Variants in ACBD5 observed in about 807,000 individuals in gnomAD.
The protein encoded by ACBD5 is acyl-CoA-binding domain-containing protein 5.
A neutral mutation model predicts 71.8 loss-of-function variants in ACBD5; 40 were observed. The ratio of observed to expected loss-of-function variants is 0.56; its 90% CI spans 0.43 to 0.72. ACBD5 has a LOEUF of 0.72. ACBD5 is among the 30% of genes least tolerant of loss of function. The pLI is 0.00. For synonymous variants in ACBD5, 229 were observed against 218.6 expected (o/e 1.05, Z -0.42); for missense variants, 559 against 644.5 (o/e 0.87, Z 1.44).
chr10:27,239,868 TC>T (rs1331226022), intron 2 of ACBD5, among the ~76,000 whole-genome samples: 106 of 152,346 alleles, frequency 7.0e-4, no homozygotes, highest in African/African-American at 2.5e-3. Flanking sequence ...TGTCTCAGCC[TC>T]CCGAGTAGCT....
Position 27,218,110 on chromosome 10 carries a change from A to T in ACBD5, c.699T>A (p.Asp233Glu). ...EVIVTNGYDK[D>E]GFVQDIQNDI... ...CATTCTGTATATCCTGAACAAAGCC[A>T]TCTTTATCATAGCCATTAGTGACAA... is the stretch of plus-strand genomic sequence containing the variant. Residue 233 changes from aspartate to glutamate, a missense_variant, in exon 7 of 13, where the codon GAT becomes GAA. Coordinates refer to ENST00000396271, the MANE Select transcript of ACBD5 (RefSeq NM_145698.5). 6.2e-7 allele frequency: 1 copy of T among 1,614,158 alleles called. No homozygotes were observed. Among genetic ancestry groups the T allele is most frequent in the Non-Finnish European group, 8.5e-7 (1 of 1,180,004 alleles).
intron 9 of ACBD5, 64 bp downstream of exon 9, chr10:27,210,750 A>T: frequency 6.2e-7 from 1 of 1,609,154 alleles, no homozygotes. Context: ...AGAGCGCGAG[A>T]CTCCATCTCA....
chr10:27,199,474 C>T (rs2059693177), intron 12 of ACBD5, among the ~76,000 whole-genome samples: 1 of 152,204 alleles, frequency 6.6e-6, no homozygotes, highest in Non-Finnish European at 1.5e-5. Flanking sequence ...AATCAACTTG[C>T]AAAATGGAGG....
At chr10:27,184,410 C>T (rs893980699) in intron 13 of ACBD5, among the ~76,000 whole-genome samples, 3 of 152,112 alleles carry the variant, frequency 2.0e-5, no homozygotes, top group African/African-American at 4.8e-5. Flanking sequence ...CATATAAACA[C>T]ACACACGTTT....
Position 27,240,335 on chromosome 10 carries a change from C to A in ACBD5, c.165G>T (p.Gln55His), listed in dbSNP as rs1158658703. The change falls in exon 2 of 13, where the codon CAG (glutamine) becomes CAT (histidine). Residue 55 changes from glutamine (Q) to histidine (H), a missense_variant. By Grantham distance (24) the Gln-to-His change is conservative (BLOSUM62 0). Transcript: ENST00000396271. This position sits in a 1 kb window ranked among gnomAD's most constrained non-coding sequence, Gnocchi z 4.1. ...TRFEAAVKVI[Q>H]SLPKNGSFQP... is the part of the protein sequence containing the mutation. ...CGCACGTACCATTCTTCGGCAAACT[C>A]TGGATCACCTTCACGGCCGCCTCAA... The A allele has an allele frequency of 6.2e-7, 1 of 1,613,982 alleles. No homozygotes were observed. Among genetic ancestry groups the A allele is most frequent in the Non-Finnish European group, 8.5e-7 (1 of 1,180,034 alleles).
Position 27,208,351 on chromosome 10 carries a change from T to TC in ACBD5, c.1298dup (p.Gly434ArgfsTer5). 6.2e-7 allele frequency: 1 copy of TC among 1,614,196 alleles called. No homozygotes were observed. The highest frequency in any genetic ancestry group is 8.5e-7 in the Non-Finnish European group (1 of 1,180,028). ...GGGCGATCTGCTCATTGAGGCTGCC[T>TC]CGGGACCCTCTGTCGGAGCCCCAGC... is the stretch of plus-strand genomic sequence containing the variant. On this transcript the variant is annotated frameshift_variant, in exon 10 of 13. Coordinates refer to ENST00000396271, the MANE Select transcript of ACBD5 (RefSeq NM_145698.5). LOFTEE classifies it high-confidence loss of function.
At chr10:27,195,048 G>A (rs1281082458), downstream of ACBD5, among the ~76,000 whole-genome samples, 1 of 152,088 alleles carries the variant, frequency 6.6e-6, no homozygotes, top group African/African-American at 2.4e-5. Context: ...TCAACCAGAT[G>A]ACTAAATAAG....
chr10:27,235,484 C>T lies in ACBD5; in HGVS notation c.182-272G>A, dbSNP rs185784418. On this transcript the variant is annotated intron_variant, in intron 2 of 12. Transcript: ENST00000396271. ...TGAATAGACATGCTGTAGATATAAC[C>T]AAAATAACCTGCAAATGTCTCTTTA... 2.3e-3 allele frequency among the ~76,000 whole-genome samples: 355 copies of T among 152,184 alleles called. 2 individuals are homozygous for T. The highest frequency in any genetic ancestry group is 8.1e-3 in the African/African-American group (338 of 41,540).
At chr10:27,230,930 G>C (rs140785555) in intron 4 of ACBD5, among the ~76,000 whole-genome samples, 1 of 151,880 alleles carries the variant, frequency 6.6e-6, no homozygotes, top group African/African-American at 2.4e-5. Flanking sequence ...TTACTAGTTA[G>C]CAGAGAACCT....
At chr10:27,202,640 T>G (rs986321663) in intron 12 of ACBD5, among the ~76,000 whole-genome samples, 11 of 152,152 alleles carry the variant, frequency 7.2e-5, no homozygotes, top group African/African-American at 2.4e-4. Context: ...AAGCATAAAA[T>G]AAATTATTAA....
intron 13 of ACBD5, among the ~76,000 whole-genome samples, chr10:27,188,241 C>G (rs2058894225): frequency 6.6e-6 from 1 of 152,104 alleles, no homozygotes; most frequent in Non-Finnish European, 1.5e-5. Flanking sequence ...GTAAAATGTT[C>G]AAAATACAGT....
chr10:27,206,672 C>T (rs1208664153), intron 10 of ACBD5, among the ~76,000 whole-genome samples: 6 of 151,904 alleles, frequency 3.9e-5, no homozygotes, highest in African/African-American at 7.3e-5. Flanking sequence ...TGCACCACCA[C>T]GCCCAGCTAA....
intron 4 of ACBD5, among the ~76,000 whole-genome samples, chr10:27,230,625 C>T (rs2063723640): frequency 6.6e-6 from 1 of 151,904 alleles, no homozygotes; most frequent in Non-Finnish European, 1.5e-5. Flanking sequence ...CGTGAAATCC[C>T]GTCTGCACTA....
intron 7 of ACBD5, among the ~76,000 whole-genome samples, chr10:27,217,501 T>C (rs1029243852): frequency 6.7e-6 from 1 of 149,266 alleles, no homozygotes; most frequent in Non-Finnish European, 1.5e-5. Flanking sequence ...GTTTCTCACA[T>C]GTACTATTAT....
chr10:27,216,479 T>C (rs1177447644), intron 7 of ACBD5, among the ~76,000 whole-genome samples: 1 of 152,146 alleles, frequency 6.6e-6, no homozygotes, highest in Non-Finnish European at 1.5e-5. Context: ...TTTCACATTG[T>C]TGGTCAGGCT....
chr10:27,218,215 A>C (rs1023042170), intron 6 of ACBD5, 32 bp from the exon 7 acceptor site: 1 of 1,530,018 alleles, frequency 6.5e-7, no homozygotes, highest in African/African-American at 1.4e-5. Flanking sequence ...GATTCATAAA[A>C]GTTCACAGTA....
intron 8 of ACBD5, among the ~76,000 whole-genome samples, chr10:27,211,363 C>T (rs1297853323): frequency 6.6e-6 from 1 of 152,090 alleles, no homozygotes; most frequent in African/African-American, 2.4e-5. Flanking sequence ...GCTCTGTCAC[C>T]AGGCTGGAGT....
In ACBD5 at chr10:27,210,842, G is replaced by A. The variant is rs34613194; in HGVS notation, c.1176C>T (p.Asp392=). The change falls in exon 9 of 13, where the codon GAC becomes GAT. Residue 392 remains aspartate, a synonymous_variant. Transcript: ENST00000396271. ...PHREKRGGET[D]EFSNVRRGRG... is the part of the protein sequence containing the mutation. ...TTCCTCTTCTAACATTAGAGAATTC[G>A]TCAGTTTCTCCGCCTCGCTTCTCCC... is the stretch of plus-strand genomic sequence containing the variant. The A allele has an allele frequency of 0.039, 63,165 of 1,613,720 alleles. 2,321 individuals are homozygous for A. Among genetic ancestry groups the A allele is most frequent in the African/African-American group, 0.17 (12,844 of 74,918 alleles).
Position 27,208,311 on chromosome 10 carries a change from G to T in ACBD5, c.1339C>A (p.Leu447Met). 1 of 1,614,192 alleles carries T rather than the reference G, an allele frequency of 6.2e-7. No individual in the cohort carries two copies. Among genetic ancestry groups the T allele is most frequent in the Non-Finnish European group, 8.5e-7 (1 of 1,180,042 alleles). Residue 447 changes from leucine to methionine, a missense_variant, in exon 10 of 13, where the codon CTG (leucine) becomes ATG (methionine). Coordinates refer to ENST00000396271, the MANE Select transcript of ACBD5 (RefSeq NM_145698.5). Reference protein sequence around the residue: ...NEQIALVLMRLQEDMQNVLQR... With the variant: ...NEQIALVLMRMQEDMQNVLQR... ...AGGACATTCTGCATGTCCTCCTGCA[G>T]TCTCATCAGCACGAGGGCGATCTGC...
Sources: allele counts gnomAD v4.1 joint callset (sites outside exome capture counted in the v4.1 genomes callset), GRCh38; gene constraint gnomAD v4.1.1; non-coding constraint Gnocchi (gnomAD v3.1); transcripts MANE v1.5; gene names NCBI Gene and HGNC (gene_info 2026-07-23, HGNC 2026-07-21).